The following PDE4B variants were observed in gnomAD, a reference collection of about 807,000 sequenced individuals.
PDE4B encodes 3',5'-cyclic-AMP phosphodiesterase 4B.
Under a neutral mutation model 82.2 loss-of-function variants are expected in PDE4B, and 20 were observed. The observed-to-expected ratio is 0.24, with a 90% CI of 0.17 to 0.35. PDE4B has a LOEUF of 0.35. PDE4B is among the 10% of genes least tolerant of loss of function. The pLI is 1.00. For synonymous variants in PDE4B, 320 were observed against 318.9 expected, an observed-to-expected ratio of 1.00 and a Z score of -0.04; for missense variants, 655 against 907.2, an observed-to-expected ratio of 0.72 and a Z score of 3.57.
chr1:65,992,993 A>G, intron 3 of PDE4B: 2 of 1,613,990 alleles, frequency 1.2e-6, no homozygotes, highest in Admixed American at 1.7e-5. Flanking sequence ...TGCATTTAGA[A>G]CTTGAGCTTC....
chr1:66,199,356 G>A (rs2101521418), intron 3 of PDE4B, among the ~76,000 whole-genome samples: 2 of 152,196 alleles, frequency 1.3e-5, no homozygotes, highest in Middle Eastern at 6.8e-3. Context: ...TTTCTCTGAT[G>A]GCCAGTGATG....
At chr1:66,183,599 G>A (rs1219614555) in intron 3 of PDE4B, among the ~76,000 whole-genome samples, 1 of 152,108 alleles carries the variant, frequency 6.6e-6, no homozygotes, top group Non-Finnish European at 1.5e-5. Context: ...TTTAAAGTTT[G>A]CAAAGCATTA....
intron 8 of PDE4B, among the ~76,000 whole-genome samples, chr1:66,333,039 T>C (rs1660243948): frequency 6.6e-6 from 1 of 152,254 alleles, no homozygotes; most frequent in Non-Finnish European, 1.5e-5. Context: ...TAGTTTAACC[T>C]TCATATATCA....
At chr1:65,992,724 C>T (rs1466653072) in intron 3 of PDE4B, 1 of 1,347,672 alleles carries the variant, frequency 7.4e-7, no homozygotes, top group East Asian at 2.9e-5. Context: ...CTTGTGACAG[C>T]CTGACTTGCT....
At chr1:66,239,063 A>G (rs1444187927) in intron 3 of PDE4B, among the ~76,000 whole-genome samples, 1 of 152,172 alleles carries the variant, frequency 6.6e-6, no homozygotes, top group Non-Finnish European at 1.5e-5. Context: ...TCATTTCCCT[A>G]ATTGATCTTG....
At chr1:66,106,117 A>C (rs908384156) in intron 3 of PDE4B, among the ~76,000 whole-genome samples, 3 of 152,174 alleles carry the variant, frequency 2.0e-5, no homozygotes, top group African/African-American at 7.2e-5. Flanking sequence ...ACATCCCATC[A>C]ATACCTAATT....
intron 1 of PDE4B, among the ~76,000 whole-genome samples, chr1:65,831,816 C>T (rs544392762): frequency 4.6e-5 from 7 of 152,236 alleles, no homozygotes; most frequent in East Asian, 1.9e-4. Flanking sequence ...AGACTCACCC[C>T]ACTGATGAAT....
intron 3 of PDE4B, among the ~76,000 whole-genome samples, chr1:65,947,264 T>C (rs1407844131): frequency 6.6e-6 from 1 of 152,090 alleles, no homozygotes. Context: ...TCCTTCTTTC[T>C]GATAAAAATG....
At chr1:66,340,292 C>T (rs1038876965) in intron 8 of PDE4B, among the ~76,000 whole-genome samples, 3 of 152,158 alleles carry the variant, frequency 2.0e-5, no homozygotes, top group African/African-American at 7.2e-5. Flanking sequence ...AGTGCTTCCA[C>T]AAAGAAAGGA....
Position 65,903,227 on chromosome 1 carries a change from G to A in PDE4B, c.-70-10018G>A, listed in dbSNP as rs1225271520. 2.6e-5 allele frequency among the ~76,000 whole-genome samples: 4 copies of A among 152,128 alleles called. No individual in the cohort carries two copies. The East Asian group carries it at 7.7e-4, about 29-fold the overall frequency. On this transcript the variant is annotated intron_variant, in intron 1 of 16. Coordinates refer to ENST00000341517, the MANE Select transcript of PDE4B (RefSeq NM_002600.4). ...TAGTTAAAAATTAGATGTTGTAGCT[G>A]CTAAGTCTCTTTGTCCTCTAATATT... is the stretch of plus-strand genomic sequence containing the variant.
At position 66,334,748 on chromosome 1, in the gene PDE4B, T is replaced by C. The variant is rs566964039; in HGVS notation, c.747+2128T>C. On this transcript the variant is annotated intron_variant, in intron 8 of 16. Coordinates refer to ENST00000341517, the MANE Select transcript of PDE4B (RefSeq NM_002600.4). ...TTACTTTACTACCTTTAAAAAATTATTGATTATTCAGATAATTGTCTCAGG... is the reference window on the plus strand; with the variant it reads ...TTACTTTACTACCTTTAAAAAATTACTGATTATTCAGATAATTGTCTCAGG... Among the ~76,000 whole-genome samples, 7 of 152,378 alleles carry C rather than the reference T, an allele frequency of 4.6e-5. No homozygotes were observed. In the South Asian group the frequency reaches 1.4e-3, roughly 32 times the overall value.
rs61329391 is a variant in PDE4B, at chr1:66,179,261, T to C, written c.282-68199T>C. On this transcript the variant is annotated intron_variant, in intron 3 of 16. Transcript: ENST00000341517. ...AATTTGTAATCTCAAAGCACCATCA[T>C]ATAGTGAATGAGCAACACCAGGCTA... Among the ~76,000 whole-genome samples the C allele has an allele frequency of 5.6e-3, 851 of 152,312 alleles. 12 individuals are homozygous for C. The highest frequency in any genetic ancestry group is 0.02 in the African/African-American group (812 of 41,584).
At chr1:66,093,333 A>G (rs1645059578) in intron 3 of PDE4B, among the ~76,000 whole-genome samples, 1 of 152,088 alleles carries the variant, frequency 6.6e-6, no homozygotes, top group African/African-American at 2.4e-5. Context: ...TCTAAAAACC[A>G]CATGATGAGG....
chr1:65,887,260 T>TTTTC (rs1557799128), intron 1 of PDE4B, among the ~76,000 whole-genome samples: 1 of 9,690 alleles, frequency 1.0e-4, no homozygotes, highest in Non-Finnish European at 2.3e-4. Flanking sequence ...TCTTTCTTTC[T>TTTTC]TTCCTTCCTT....
At chr1:66,144,576 G>A (rs1646234197) in intron 3 of PDE4B, among the ~76,000 whole-genome samples, 1 of 152,138 alleles carries the variant, frequency 6.6e-6, no homozygotes, top group Non-Finnish European at 1.5e-5. Flanking sequence ...GCATTAACAT[G>A]ACACTCAAAG....
chr1:66,109,478 TA>T (rs5774798), intron 3 of PDE4B, among the ~76,000 whole-genome samples: 114,536 of 151,414 alleles, frequency 0.76, 45,467 homozygotes, highest in East Asian at 0.87. Flanking sequence ...GAAAACAATT[TA>T]AAAAAAAATT....
At chr1:65,910,517 G>C (rs1173125161) in intron 1 of PDE4B, among the ~76,000 whole-genome samples, 1 of 152,164 alleles carries the variant, frequency 6.6e-6, no homozygotes, top group African/African-American at 2.4e-5. Context: ...GATCCTAGTA[G>C]GAAATAGATT....
intron 8 of PDE4B, among the ~76,000 whole-genome samples, chr1:66,347,199 A>G (rs753657260): frequency 6.6e-6 from 1 of 152,180 alleles, no homozygotes; most frequent in Non-Finnish European, 1.5e-5. Flanking sequence ...AAACCTATGC[A>G]TCTTGAGGTG....
chr1:65,846,574 G>A (rs1646270463), intron 1 of PDE4B, among the ~76,000 whole-genome samples: 1 of 152,132 alleles, frequency 6.6e-6, no homozygotes, highest in Non-Finnish European at 1.5e-5. Context: ...ATTTATGAAG[G>A]GTTAAGAAGC....
Sources: gnomAD v4.1 joint callset for allele counts (sites outside exome capture counted in the v4.1 genomes callset) on GRCh38, gnomAD v4.1.1 for gene constraint, MANE v1.5 for transcripts, NCBI Gene and HGNC (gene_info 2026-07-23, HGNC 2026-07-21) for gene names.